SPDEF: variants seen among roughly 807,000 people sequenced by gnomAD.
SPDEF encodes the protein SAM pointed domain-containing Ets transcription factor.
A neutral mutation model predicts 36.0 loss-of-function variants in SPDEF; 12 were observed. The ratio of observed to expected loss-of-function variants is 0.33; its 90% CI spans 0.21 to 0.54. The LOEUF (loss-of-function observed/expected upper bound fraction) is 0.54, where lower values mean the gene tolerates loss of function less well. Among genes scored for constraint, SPDEF ranks in the 20% least tolerant of loss-of-function variants. The pLI, the probability that SPDEF is intolerant of heterozygous loss-of-function variation, is 0.93. For missense variants in SPDEF, 388 were observed against 456.9 expected, an observed-to-expected ratio of 0.85 and a Z score of 1.37; for synonymous variants, 205 against 193.0, an observed-to-expected ratio of 1.06 and a Z score of -0.51.
intron 2 of SPDEF, 100 bp from the exon 3 acceptor site, chr6:34,541,281 T>C: frequency 8.0e-7 from 1 of 1,242,694 alleles, no homozygotes; most frequent in Non-Finnish European, 1.1e-6. Flanking sequence ...CCATGTGCTC[T>C]TGGGGATGGG....
chr6:34,541,812 G>C (rs1011948462), intron 2 of SPDEF, among the ~76,000 whole-genome samples: 7 of 152,248 alleles, frequency 4.6e-5, no homozygotes, highest in African/African-American at 1.7e-4. Context: ...GCCAGGAGGG[G>C]AGCCCTTGGC....
chr6:34,543,195 C>CAAAAAAAAAAAAA (rs56021909), intron 2 of SPDEF, among the ~76,000 whole-genome samples: 4 of 69,146 alleles, frequency 5.8e-5, no homozygotes, highest in Middle Eastern at 0.015. Flanking sequence ...GACTCCATCT[C>CAAAAAAAAAAAAA]AAAAAAAAAA....
intron 1 of SPDEF, among the ~76,000 whole-genome samples, chr6:34,546,451 A>C (rs1027111201): frequency 6.6e-6 from 1 of 152,088 alleles, no homozygotes; most frequent in Non-Finnish European, 1.5e-5. Flanking sequence ...TGCAGCTGGC[A>C]TTTGCTTCTG....
chr6:34,553,639 G>A (rs1307138042), intron 1 of SPDEF, among the ~76,000 whole-genome samples: 2 of 152,104 alleles, frequency 1.3e-5, no homozygotes, highest in East Asian at 1.9e-4. Flanking sequence ...CATGAGGGGG[G>A]CCCTGGGCAC....
chr6:34,544,151 G>A lies in SPDEF; in HGVS notation c.305C>T (p.Ala102Val), dbSNP rs772048340. 1.7e-5 allele frequency: 27 copies of A among 1,613,698 alleles called. No homozygotes were observed. Among genetic ancestry groups the A allele is most frequent in the South Asian group, 7.7e-5 (7 of 91,072 alleles). The change falls in exon 2 of 6, where the codon GCG becomes GTG. Residue 102 changes from alanine to valine, a missense_variant. Ala to Val is a moderately conservative substitution (Grantham distance 64). This residue lies in a region of SPDEF where 308 missense variants were observed against 326.1 expected (regional missense o/e 0.94). Transcript: ENST00000374037. This position sits in a 1 kb window ranked among gnomAD's most constrained non-coding sequence, Gnocchi z 4.4. ...QCPVIDSQAP[A>V]GSLDLVPGGL... ...GCCGGGCACCAAGTCCAGGCTGCCC[G>A]CTGGGGCTTGGCTGTCAATGACCGG... is the stretch of plus-strand genomic sequence containing the variant.
At chr6:34,551,839 C>T (rs1343229664) in intron 1 of SPDEF, among the ~76,000 whole-genome samples, 3 of 152,136 alleles carry the variant, frequency 2.0e-5, no homozygotes, top group Non-Finnish European at 4.4e-5. Context: ...CAGCAGGGAC[C>T]CCAGCCCAGA....
chr6:34,554,949 G>T (rs1768134550), intron 1 of SPDEF, among the ~76,000 whole-genome samples: 1 of 152,222 alleles, frequency 6.6e-6, no homozygotes, highest in Admixed American at 6.5e-5. Context: ...CCATCATAAA[G>T]GACACAGGCT....
At chr6:34,547,110 C>T (rs1286749880) in intron 1 of SPDEF, among the ~76,000 whole-genome samples, 4 of 151,846 alleles carry the variant, frequency 2.6e-5, no homozygotes, top group South Asian at 2.1e-4. Flanking sequence ...ACACCCTGGG[C>T]GCCATGCCAG....
At chr6:34,553,107 C>G (rs529250180) in intron 1 of SPDEF, among the ~76,000 whole-genome samples, 155 of 152,182 alleles carry the variant, frequency 1.0e-3, no homozygotes, top group Non-Finnish European at 1.8e-3. Flanking sequence ...GGGGAGGTCC[C>G]GGTCCCATCC....
chr6:34,541,626 A>G (rs1767824698), intron 2 of SPDEF, among the ~76,000 whole-genome samples: 2 of 152,200 alleles, frequency 1.3e-5, no homozygotes, highest in Admixed American at 6.5e-5. Flanking sequence ...TTAGAACCCC[A>G]CCATTCTCTC....
chr6:34,544,465 G>A lies in SPDEF; in HGVS notation c.-10C>T, dbSNP rs1285509047. ...GGCTGGCGCTGCCCATGCCGCTGCT[G>A]TTTGGGCTGGCGGCTGTGTCTACGG... On this transcript the variant is annotated 5_prime_UTR_variant, in exon 2 of 6. Coordinates refer to ENST00000374037, the MANE Select transcript of SPDEF (RefSeq NM_012391.3). This position sits in a 1 kb window ranked among gnomAD's most constrained non-coding sequence, Gnocchi z 4.4. 1.3e-6 allele frequency: 2 copies of A among 1,529,128 alleles called. No individual in the cohort carries two copies. Among genetic ancestry groups the A allele is most frequent in the East Asian group, 2.3e-5 (1 of 43,830 alleles). 94.7% of individuals were successfully genotyped at this position (1,529,128 alleles called of 1,614,324 possible).
chr6:34,542,886 C>CA (rs758431726), intron 2 of SPDEF, among the ~76,000 whole-genome samples: 4,975 of 53,368 alleles, frequency 0.093, 270 homozygotes, highest in African/African-American at 0.18. Flanking sequence ...GAGACCCTGT[C>CA]AAAAAAAAAA....
At chr6:34,554,172 A>G (rs1221997214) in intron 1 of SPDEF, among the ~76,000 whole-genome samples, 1 of 152,144 alleles carries the variant, frequency 6.6e-6, no homozygotes, top group Non-Finnish European at 1.5e-5. Context: ...TCCCCCTGTC[A>G]GACTAAATTA....
intron 1 of SPDEF, among the ~76,000 whole-genome samples, chr6:34,549,528 A>T (rs1398225780): frequency 6.6e-6 from 1 of 152,118 alleles, no homozygotes. Flanking sequence ...TCAGCAAAAG[A>T]TGCCCTCCCT....
intron 1 of SPDEF, among the ~76,000 whole-genome samples, chr6:34,548,544 A>G (rs1561980533): frequency 1.3e-5 from 2 of 152,174 alleles, no homozygotes; most frequent in Non-Finnish European, 2.9e-5. Flanking sequence ...GGAAGGGGCC[A>G]TATATTATGT....
chr6:34,547,884 G>A (rs1015229648), intron 1 of SPDEF, among the ~76,000 whole-genome samples: 1 of 152,154 alleles, frequency 6.6e-6, no homozygotes, highest in Non-Finnish European at 1.5e-5. Flanking sequence ...ATAAGTTAAT[G>A]GTTAACTGTG....
rs1768093595 is a variant in SPDEF, at chr6:34,552,965, GC to G, written c.-30+2963del. Reference sequence around the variant, plus strand: ...CTACCCCAGGAGCAGAGAGGCCTGGGCCTTGCCCCGCAACCAGTCTCAGGCG... The same window carrying G: ...CTACCCCAGGAGCAGAGAGGCCTGGGCTTGCCCCGCAACCAGTCTCAGGCG... On this transcript the variant is annotated intron_variant, in intron 1 of 5. Coordinates refer to ENST00000374037, the MANE Select transcript of SPDEF (RefSeq NM_012391.3). This position sits in a 1 kb window ranked among gnomAD's most constrained non-coding sequence, Gnocchi z 4.6. 1.3e-5 allele frequency among the ~76,000 whole-genome samples: 2 copies of G among 152,192 alleles called. No homozygotes were observed. The highest frequency in any genetic ancestry group is 4.8e-5 in the African/African-American group (2 of 41,450).
At chr6:34,549,159 G>A (rs1023553645) in intron 1 of SPDEF, among the ~76,000 whole-genome samples, 1 of 152,088 alleles carries the variant, frequency 6.6e-6, no homozygotes. Flanking sequence ...ATCTCTTCTG[G>A]ATTAAGCCAC....
In SPDEF at chr6:34,544,575, C is replaced by G; in HGVS notation, c.-29-91G>C. ...TTATGGGGATGAGGGGCCCTGTGGA[C>G]AGTGGGCTGGGCCTGGGACAGAGTT... On this transcript the variant is annotated intron_variant, in intron 1 of 5. Transcript: ENST00000374037. The surrounding 1 kb of genome is among the most constrained non-coding windows in gnomAD (Gnocchi z 4.4). 9.1e-7 allele frequency: 1 copy of G among 1,102,962 alleles called. No individual in the cohort carries two copies. The highest frequency in any genetic ancestry group is 1.6e-5 in the African/African-American group (1 of 63,150). 68.3% of individuals were successfully genotyped at this position (1,102,962 alleles called of 1,614,324 possible).
Sources: allele counts gnomAD v4.1 joint callset (sites outside exome capture counted in the v4.1 genomes callset), GRCh38; gene constraint gnomAD v4.1.1; regional missense constraint gnomAD v4.1.1; non-coding constraint Gnocchi (gnomAD v3.1); transcripts MANE v1.5; gene names NCBI Gene and HGNC (gene_info 2026-07-23, HGNC 2026-07-21).